CORIN: variants seen among roughly 807,000 people sequenced by gnomAD.
CORIN encodes the protein atrial natriuretic peptide-converting enzyme.
In CORIN, 117 loss-of-function variants were observed where a neutral mutation model predicts 125.3. That is an observed-to-expected ratio of 0.93 (90% CI 0.80 to 1.09). The LOEUF (loss-of-function observed/expected upper bound fraction) is 1.09, where lower values mean the gene tolerates loss of function less well. Among genes scored for constraint, CORIN ranks in the 50% least tolerant of loss-of-function variants. The probability of loss-of-function intolerance (pLI) is 0.00; values close to 1 mark genes in which losing one functional copy is unlikely to be tolerated. For missense variants in CORIN, 1,253 were observed against 1,306.7 expected (o/e 0.96, Z 0.63); for synonymous variants, 450 against 466.4 (o/e 0.96, Z 0.45).
chr4:47,793,088 C>T (rs1731148167), intron 2 of CORIN, among the ~76,000 whole-genome samples: 1 of 152,032 alleles, frequency 6.6e-6, no homozygotes, highest in Non-Finnish European at 1.5e-5. Context: ...GTGAAACATT[C>T]AGGGGGGAAA....
intron 1 of CORIN, among the ~76,000 whole-genome samples, chr4:47,829,218 A>T (rs1475567724): frequency 6.6e-6 from 1 of 150,892 alleles, no homozygotes; most frequent in Non-Finnish European, 1.5e-5. Flanking sequence ...TATGTTGATT[A>T]CATATTAAAA....
intron 1 of CORIN, among the ~76,000 whole-genome samples, chr4:47,815,792 G>A (rs987576074): frequency 1.3e-5 from 2 of 152,038 alleles, no homozygotes; most frequent in Non-Finnish European, 2.9e-5. Context: ...TTAAATATTT[G>A]ATATTTATTG....
intron 5 of CORIN, among the ~76,000 whole-genome samples, chr4:47,741,165 T>C (rs1163145526): frequency 6.6e-6 from 1 of 152,022 alleles, no homozygotes; most frequent in Non-Finnish European, 1.5e-5. Flanking sequence ...TGTAGGAAGA[T>C]ATTTGAAGAT....
chr4:47,704,262 A>T (rs1371175196), intron 5 of CORIN, among the ~76,000 whole-genome samples: 1 of 152,200 alleles, frequency 6.6e-6, no homozygotes, highest in East Asian at 1.9e-4. Flanking sequence ...ATACAAGCAC[A>T]ATTTAATTAA....
At chr4:47,606,387 C>T (rs1721645531) in intron 19 of CORIN, among the ~76,000 whole-genome samples, 1 of 152,104 alleles carries the variant, frequency 6.6e-6, no homozygotes. Flanking sequence ...CACCAAGTAG[C>T]TGAGACTACA....
At chr4:47,789,512 T>C (rs890539258) in intron 2 of CORIN, among the ~76,000 whole-genome samples, 1 of 152,184 alleles carries the variant, frequency 6.6e-6, no homozygotes, top group Non-Finnish European at 1.5e-5. Context: ...GGTACTGTAG[T>C]TAATGTTTTT....
At chr4:47,742,784 G>A (rs912533229) in intron 5 of CORIN, among the ~76,000 whole-genome samples, 1 of 151,798 alleles carries the variant, frequency 6.6e-6, no homozygotes, top group Non-Finnish European at 1.5e-5. Flanking sequence ...AAACGCAAAG[G>A]GCCAAAAATA....
At chr4:47,813,093 A>G (rs1334328469) in intron 1 of CORIN, among the ~76,000 whole-genome samples, 1 of 152,218 alleles carries the variant, frequency 6.6e-6, no homozygotes, top group Non-Finnish European at 1.5e-5. Flanking sequence ...TCATAGCACA[A>G]CTTTTGCATA....
chr4:47,679,782 A>C (rs995869971), intron 8 of CORIN: 25 of 185,690 alleles, frequency 1.3e-4, no homozygotes, highest in Admixed American at 1.2e-3. Context: ...TTAACTACTC[A>C]TGTATTGTTT....
intron 19 of CORIN, among the ~76,000 whole-genome samples, chr4:47,604,131 G>A (rs1393153104): frequency 6.6e-6 from 1 of 152,180 alleles, no homozygotes; most frequent in Admixed American, 6.5e-5. Context: ...ACCTCCAATG[G>A]TCATTCCCAT....
chr4:47,731,629 G>A (rs929082323), intron 5 of CORIN, among the ~76,000 whole-genome samples: 4 of 152,144 alleles, frequency 2.6e-5, no homozygotes, highest in African/African-American at 9.7e-5. Context: ...CCAGTACTTT[G>A]GGAGGCTGAG....
chr4:47,676,365 G>A (rs1006567272), intron 9 of CORIN, among the ~76,000 whole-genome samples: 4 of 152,048 alleles, frequency 2.6e-5, no homozygotes, highest in South Asian at 2.1e-4. Flanking sequence ...TTCAAGCCCC[G>A]TTCTTTTTGG....
chr4:47,771,141 A>T (rs1188047015), intron 3 of CORIN, among the ~76,000 whole-genome samples: 1 of 152,072 alleles, frequency 6.6e-6, no homozygotes, highest in African/African-American at 2.4e-5. Context: ...TTGCATTGGG[A>T]AAAAATGGGT....
Position 47,755,481 on chromosome 4 carries a change from A to C in CORIN, c.617+7898T>G, listed in dbSNP as rs559163157. ...GTTGTTTTCTTTCTGTTCTTTATATAAACTTTAATGCTAAAATTTTCAATT... is the reference window on the plus strand; with the variant it reads ...GTTGTTTTCTTTCTGTTCTTTATATCAACTTTAATGCTAAAATTTTCAATT... On this transcript the variant is annotated intron_variant, in intron 4 of 21. Coordinates refer to ENST00000273857, the MANE Select transcript of CORIN (RefSeq NM_006587.4). Among the ~76,000 whole-genome samples the C allele has an allele frequency of 8.5e-5, 13 of 152,296 alleles. No homozygotes were observed. The South Asian group carries it at 2.7e-3, about 32-fold the overall frequency.
At chr4:47,765,278 C>A (rs1461412770) in intron 3 of CORIN, among the ~76,000 whole-genome samples, 1 of 151,250 alleles carries the variant, frequency 6.6e-6, no homozygotes, top group Non-Finnish European at 1.5e-5. Flanking sequence ...GCCACTGCAC[C>A]CCAGCCTGGG....
At chr4:47,635,353 C>T (rs1415124126) in intron 16 of CORIN, among the ~76,000 whole-genome samples, 4 of 152,226 alleles carry the variant, frequency 2.6e-5, no homozygotes, top group Admixed American at 6.5e-5. Flanking sequence ...TGGAATAAGA[C>T]AAAATAACCA....
chr4:47,663,885 TTCTC>T (rs1354053736), intron 11 of CORIN, among the ~76,000 whole-genome samples: 1 of 152,218 alleles, frequency 6.6e-6, no homozygotes, highest in South Asian at 2.1e-4. Context: ...TTTAGTTTTA[TTCTC>T]TCTATTGGTA....
rs765697706 is a variant in CORIN, at chr4:47,626,404, C to G, written c.2315+1G>C. 2.6e-6 allele frequency: 4 copies of G among 1,545,936 alleles called. No individual in the cohort carries two copies. The highest frequency in any genetic ancestry group is 2.7e-5 in the African/African-American group (2 of 73,496). On this transcript the variant is annotated splice_donor_variant, in intron 17 of 21. Transcript: ENST00000273857. LOFTEE classifies it high-confidence loss of function. ...CACAGCTCTTATGAATGCATTCTTA[C>G]CCATTTACTAGAAGTTCATGTAAAG...
At position 47,600,174 on chromosome 4, in the gene CORIN, T is replaced by C. The variant is rs758800875; in HGVS notation, c.2946+40A>G. On this transcript the variant is annotated intron_variant, in intron 21 of 21. Transcript: ENST00000273857. ...GTTTATAGGAATCCACTGAAGTTAT[T>C]GTTGAACTGAATCTCCTTGGTAACC... 70 of 1,576,700 alleles carry C rather than the reference T, an allele frequency of 4.4e-5. No individual in the cohort carries two copies. In the Admixed American group the frequency reaches 6.4e-4, roughly 14 times the overall value.
Sources: gnomAD v4.1 joint callset for allele counts (sites outside exome capture counted in the v4.1 genomes callset) on GRCh38, gnomAD v4.1.1 for gene constraint, MANE v1.5 for transcripts, NCBI Gene and HGNC (gene_info 2026-07-23, HGNC 2026-07-21) for gene names.